Variants in KHDRBS3 observed in about 807,000 individuals in gnomAD.
The protein encoded by KHDRBS3 is KH domain-containing, RNA-binding, signal transduction-associated protein 3.
Under a neutral mutation model 45.6 loss-of-function variants are expected in KHDRBS3, and 23 were observed. The observed-to-expected ratio is 0.50, with a 90% CI of 0.36 to 0.72. The LOEUF (loss-of-function observed/expected upper bound fraction) is 0.72. Among genes scored for constraint, KHDRBS3 ranks in the 30% least tolerant of loss-of-function variants. The pLI, the probability that KHDRBS3 is intolerant of heterozygous loss-of-function variation, is 0.00. For missense variants in KHDRBS3, 352 were observed against 424.8 expected (o/e 0.83, Z 1.51); for synonymous variants, 162 against 156.5 (o/e 1.04, Z -0.26).
At chr8:135,509,973 C>CTT (rs1326914089) in intron 1 of KHDRBS3, among the ~76,000 whole-genome samples, 2,252 of 141,292 alleles carry the variant, frequency 0.016, 74 homozygotes, top group African/African-American at 0.057. Context: ...TTTCCCCCCC[C>CTT]CTTTTTTTTT....
At chr8:135,563,996 A>T (rs1827286107) in intron 5 of KHDRBS3, among the ~76,000 whole-genome samples, 3 of 152,178 alleles carry the variant, frequency 2.0e-5, no homozygotes. Context: ...TGCTTAATGT[A>T]GTGGTTTTGT....
intron 2 of KHDRBS3, chr8:135,541,876 A>C (rs944582752): frequency 2.6e-5 from 4 of 152,140 alleles, no homozygotes; most frequent in African/African-American, 9.7e-5. Flanking sequence ...GACTTATTTA[A>C]TCCTTAGAAC....
chr8:135,485,773 T>TCA, intron 1 of KHDRBS3, among the ~76,000 whole-genome samples: 1 of 150,212 alleles, frequency 6.7e-6, no homozygotes, highest in East Asian at 1.9e-4. Flanking sequence ...CCAAGCATTT[T>TCA]CACCTGTTAC....
chr8:135,555,953 C>T (rs1303873607), intron 4 of KHDRBS3, among the ~76,000 whole-genome samples: 1 of 152,056 alleles, frequency 6.6e-6, no homozygotes, highest in Non-Finnish European at 1.5e-5. Context: ...TTCTCATTGT[C>T]CACCTCCCAC....
intron 1 of KHDRBS3, among the ~76,000 whole-genome samples, chr8:135,481,223 G>GATAT (rs10529846): frequency 0.27 from 20,570 of 75,160 alleles, 2,242 homozygotes; most frequent in Middle Eastern, 0.34. Flanking sequence ...TGAAAGCCAC[G>GATAT]ATATATATAT....
intron 6 of KHDRBS3, among the ~76,000 whole-genome samples, chr8:135,595,092 G>A (rs1363158886): frequency 6.6e-6 from 1 of 152,174 alleles, no homozygotes; most frequent in Non-Finnish European, 1.5e-5. Context: ...CTTAATGAAA[G>A]AAGAATGGCA....
intron 1 of KHDRBS3, among the ~76,000 whole-genome samples, chr8:135,483,814 C>T (rs113304447): frequency 1.2e-4 from 19 of 152,194 alleles, no homozygotes; most frequent in African/African-American, 3.9e-4. Context: ...TTCTCTCTCC[C>T]TATCTAGGGC....
chr8:135,528,398 G>A (rs6989614), intron 2 of KHDRBS3, among the ~76,000 whole-genome samples: 121,746 of 152,128 alleles, frequency 0.8, 49,233 homozygotes, highest in East Asian at 0.96. Flanking sequence ...GGAAATCATC[G>A]TGGATTTACA....
Position 135,500,227 on chromosome 8 carries a change from G to T in KHDRBS3, c.89-21010G>T, listed in dbSNP as rs542467543. Among the ~76,000 whole-genome samples, 14 of 152,120 alleles carry T rather than the reference G, an allele frequency of 9.2e-5. No homozygotes were observed. The South Asian group carries it at 1.2e-3, about 14-fold the overall frequency. Reference sequence around the variant, plus strand: ...TGAGAGAAAATTCAGTTCATTGTGAGGTGTCATAAGCCAGGATTTGGTAGT... The same window carrying T: ...TGAGAGAAAATTCAGTTCATTGTGATGTGTCATAAGCCAGGATTTGGTAGT... On this transcript the variant is annotated intron_variant, in intron 1 of 8. Transcript: ENST00000355849.
At chr8:135,558,082 T>C (rs746939469) in intron 5 of KHDRBS3, among the ~76,000 whole-genome samples, 1 of 152,212 alleles carries the variant, frequency 6.6e-6, no homozygotes, top group Non-Finnish European at 1.5e-5. Context: ...TGTTTTGCCA[T>C]TGAGTAAACC....
intron 1 of KHDRBS3, among the ~76,000 whole-genome samples, chr8:135,465,325 C>T (rs1006349965): frequency 3.9e-5 from 6 of 152,156 alleles, no homozygotes; most frequent in Admixed American, 2.6e-4. Flanking sequence ...GCTTAATAAA[C>T]GTTACCTGCA....
At chr8:135,509,307 G>T (rs1020502666) in intron 1 of KHDRBS3, among the ~76,000 whole-genome samples, 1 of 152,184 alleles carries the variant, frequency 6.6e-6, no homozygotes, top group Non-Finnish European at 1.5e-5. Flanking sequence ...AAACCTTTGA[G>T]AGTCGGACAA....
At chr8:135,566,522 C>T (rs1168816564) in intron 5 of KHDRBS3, among the ~76,000 whole-genome samples, 5 of 151,994 alleles carry the variant, frequency 3.3e-5, no homozygotes, top group East Asian at 1.9e-4. Flanking sequence ...AAAGAAATGC[C>T]GAGATAGAGA....
chr8:135,457,940 G>T lies in KHDRBS3; in HGVS notation c.74G>T (p.Arg25Leu), dbSNP rs933104072. 5.6e-6 allele frequency: 9 copies of T among 1,598,502 alleles called. No individual in the cohort carries two copies. The highest frequency in any genetic ancestry group is 2.3e-5 in the East Asian group (1 of 43,770). ...GACCCCTCCTTCACGCACGCCCTGC[G>T]CCTGGTGAACCAAGGTGAGGCGCCG... ...SLDPSFTHAL[R>L]LVNQEIEKFQ... The change falls in exon 1 of 9, where the codon CGC becomes CTC. Residue 25 changes from arginine (R) to leucine (L), a missense_variant. By Grantham distance (102) the Arg-to-Leu change is moderately radical. Coordinates refer to ENST00000355849, the MANE Select transcript of KHDRBS3 (RefSeq NM_006558.3). This position sits in a 1 kb window ranked among gnomAD's most constrained non-coding sequence, Gnocchi z 4.4.
Position 135,645,073 on chromosome 8 carries a change from A to G in KHDRBS3, c.905A>G (p.Tyr302Cys), listed in dbSNP as rs746079914. Reference sequence around the variant, plus strand: ...ATCACTTGCAGTGGTGCTGATTACTATGATTACGGACATGGACTCAGTGAG... The same window carrying G: ...ATCACTTGCAGTGGTGCTGATTACTGTGATTACGGACATGGACTCAGTGAG... ...STPAQSGADY[Y>C]DYGHGLSEET... Residue 302 changes from tyrosine (Y) to cysteine (C), a missense_variant, in exon 8 of 9, where the codon TAT becomes TGT. By Grantham distance (194) the Tyr-to-Cys change is radical. Transcript: ENST00000355849. 15 of 1,613,444 alleles carry G rather than the reference A, an allele frequency of 9.3e-6. No homozygotes were observed. The African/African-American group carries it at 1.1e-4, about 11-fold the overall frequency.
intron 2 of KHDRBS3, among the ~76,000 whole-genome samples, chr8:135,526,059 G>A (rs1825167908): frequency 6.6e-6 from 1 of 152,052 alleles, no homozygotes; most frequent in Non-Finnish European, 1.5e-5. Flanking sequence ...TAGTACAGTA[G>A]CATGAGGTAC....
chr8:135,625,385 T>C (rs990230139), intron 7 of KHDRBS3: 8 of 824,744 alleles, frequency 9.7e-6, no homozygotes, highest in East Asian at 4.9e-5. Flanking sequence ...TTTCAATACA[T>C]TGAGTGCTGC....
intron 2 of KHDRBS3, among the ~76,000 whole-genome samples, chr8:135,534,217 G>GT (rs34069337): frequency 0.59 from 88,525 of 149,822 alleles, 26,338 homozygotes; most frequent in East Asian, 0.78. Flanking sequence ...CTTCTCAGGT[G>GT]TTTTTTTTTT....
intron 1 of KHDRBS3, among the ~76,000 whole-genome samples, chr8:135,488,028 T>C (rs1822952153): frequency 6.6e-6 from 1 of 152,244 alleles, no homozygotes. Flanking sequence ...TGTGTGTGCA[T>C]GTGCATAGGT....
Sources: gnomAD v4.1 joint callset for allele counts (sites outside exome capture counted in the v4.1 genomes callset) on GRCh38, gnomAD v4.1.1 for gene constraint, Gnocchi (gnomAD v3.1) non-coding constraint, MANE v1.5 for transcripts, NCBI Gene and HGNC (gene_info 2026-07-23, HGNC 2026-07-21) for gene names.